Variants in PRR7 observed in about 807,000 individuals in gnomAD.
PRR7 encodes the protein proline rich 7, synaptic.
PRR7 carries 8 observed loss-of-function variants against 18.5 expected under a neutral mutation model. The observed-to-expected ratio is 0.43, with a 90% CI of 0.25 to 0.78. The LOEUF (loss-of-function observed/expected upper bound fraction) is 0.78, where lower values mean the gene tolerates loss of function less well. Among genes scored for constraint, PRR7 ranks in the 30% least tolerant of loss-of-function variants. The probability of loss-of-function intolerance (pLI) is 0.22; values close to 1 mark genes in which losing one functional copy is unlikely to be tolerated. For synonymous variants in PRR7, 221 were observed against 187.7 expected (o/e 1.18, Z -1.45); for missense variants, 396 against 403.1 (o/e 0.98, Z 0.15).
intron 1 of PRR7, chr5:177,447,671 C>T (rs1755964715): frequency 6.6e-6 from 1 of 152,044 alleles, no homozygotes; most frequent in African/African-American, 2.4e-5. Flanking sequence ...GCTTGCATCC[C>T]TCCTCCTCCT....
intron 1 of PRR7, among the ~76,000 whole-genome samples, chr5:177,447,271 TCCC>T (rs1264781992): frequency 6.6e-6 from 1 of 151,086 alleles, no homozygotes; most frequent in Non-Finnish European, 1.5e-5. Flanking sequence ...CCCTCCCCCC[TCCC>T]CCGACGCGGG....
intron 1 of PRR7, among the ~76,000 whole-genome samples, chr5:177,451,043 C>T (rs970158499): frequency 2.6e-5 from 4 of 152,198 alleles, no homozygotes; most frequent in Non-Finnish European, 5.9e-5. Context: ...AGAGACGATG[C>T]TGGCCTGGCC....
In PRR7 at chr5:177,454,189, G is replaced by A. The variant is rs1756283300; in HGVS notation, c.-240+149G>A. On this transcript the variant is annotated intron_variant, in intron 2 of 3. Transcript: ENST00000323249. This position sits in a 1 kb window ranked among gnomAD's most constrained non-coding sequence, Gnocchi z 4.7. ...GGGAAGCGGAGTTGGAGCAGGCAGG[G>A]CGCCTGGAGGAAAGGAAGAGAGTGT... The A allele has an allele frequency of 6.5e-6, 1 of 152,914 alleles. No homozygotes were observed. The highest frequency in any genetic ancestry group is 6.5e-5 in the Admixed American group (1 of 15,302). 9.5% of individuals were successfully genotyped at this position (152,914 alleles called of 1,614,324 possible).
rs75363853 is a variant in PRR7, at chr5:177,451,047, C to T, written c.-324-2909C>T. On this transcript the variant is annotated intron_variant, in intron 1 of 3. Transcript: ENST00000323249. ...GGGGCCAGGGGAGAGACGATGCTGGCCTGGCCAAGGCAGTGGCAGGAGGAC... is the reference window on the plus strand; with the variant it reads ...GGGGCCAGGGGAGAGACGATGCTGGTCTGGCCAAGGCAGTGGCAGGAGGAC... 7.9e-3 allele frequency among the ~76,000 whole-genome samples: 1,210 copies of T among 152,282 alleles called. 16 individuals carry two copies. Among genetic ancestry groups the T allele is most frequent in the Non-Finnish European group, 9.4e-3 (637 of 68,022 alleles).
Position 177,455,841 on chromosome 5 carries a change from C to G in PRR7, c.545C>G (p.Thr182Arg), listed in dbSNP as rs1010670344. ...CGCGGCCTCTACCGCAAGATCGTCA[C>G]GCCCTTCCTGAGTCGCCGCGACAGC... The part of the protein sequence containing the change: ...DTRGLYRKIV[T>R]PFLSRRDSAE... The change falls in exon 4 of 4, where the codon ACG becomes AGG. Residue 182 changes from threonine (T) to arginine (R), a missense_variant. Thr to Arg is a moderately conservative substitution (Grantham distance 71). Transcript: ENST00000323249. The surrounding 1 kb of genome is among the most constrained non-coding windows in gnomAD (Gnocchi z 6.9). 1 of 1,612,176 alleles carries G rather than the reference C, an allele frequency of 6.2e-7. No individual in the cohort carries two copies. Among genetic ancestry groups the G allele is most frequent in the South Asian group, 1.1e-5 (1 of 91,068 alleles).
In PRR7 at chr5:177,455,963, G is replaced by A. The variant is rs200498552; in HGVS notation, c.667G>A (p.Ala223Thr). 4.4e-6 allele frequency: 7 copies of A among 1,591,092 alleles called. No homozygotes were observed. The African/African-American group carries it at 9.4e-5, about 21-fold the overall frequency. The change falls in exon 4 of 4, where the codon GCG becomes ACG. Residue 223 changes from alanine (A) to threonine (T), a missense_variant. By Grantham distance (58) the Ala-to-Thr change is moderately conservative (BLOSUM62 0). Coordinates refer to ENST00000323249, the MANE Select transcript of PRR7 (RefSeq NM_030567.5). This position sits in a 1 kb window ranked among gnomAD's most constrained non-coding sequence, Gnocchi z 6.9. ...ALHLPSAPRP[A>T]PPCPALCLQA... ...GCACCTGCCCAGCGCCCCTCGGCCC[G>A]CGCCGCCCTGCCCAGCCCTCTGCCT...
In PRR7 at chr5:177,449,765, A is replaced by T; in HGVS notation, c.-325+2805A>T. ...TCTGTGGTCTTATTTGTAGTTTCCCAAGCCCTGGGTTCCTGGCTTGGTGTC... is the reference window on the plus strand; with the variant it reads ...TCTGTGGTCTTATTTGTAGTTTCCCTAGCCCTGGGTTCCTGGCTTGGTGTC... On this transcript the variant is annotated intron_variant, in intron 1 of 3. Coordinates refer to ENST00000323249, the MANE Select transcript of PRR7 (RefSeq NM_030567.5). The surrounding 1 kb of genome is among the most constrained non-coding windows in gnomAD (Gnocchi z 4.2). 6.6e-6 allele frequency among the ~76,000 whole-genome samples: 1 copy of T among 151,984 alleles called. No homozygotes were observed. The highest frequency in any genetic ancestry group is 1.9e-4 in the East Asian group (1 of 5,184).
chr5:177,455,560 G>C lies in PRR7; in HGVS notation c.427+66G>C. On this transcript the variant is annotated intron_variant, in intron 3 of 3. Coordinates refer to ENST00000323249, the MANE Select transcript of PRR7 (RefSeq NM_030567.5). This position sits in a 1 kb window ranked among gnomAD's most constrained non-coding sequence, Gnocchi z 6.9. The stretch of plus-strand genomic sequence containing the variant: ...GAAGTGGGCGGGCGTTGGAGGGCTC[G>C]CTGCTTACCCTCAGGGCTTCCATCC... 1.4e-6 allele frequency: 2 copies of C among 1,425,494 alleles called. No homozygotes were observed. The highest frequency in any genetic ancestry group is 3.0e-5 in the South Asian group (2 of 67,096). 88.3% of individuals were successfully genotyped at this position (1,425,494 alleles called of 1,614,324 possible).
Position 177,455,585 on chromosome 5 carries a change from C to G in PRR7, c.427+91C>G. On this transcript the variant is annotated intron_variant, in intron 3 of 3. Coordinates refer to ENST00000323249, the MANE Select transcript of PRR7 (RefSeq NM_030567.5). The surrounding 1 kb of genome is among the most constrained non-coding windows in gnomAD (Gnocchi z 6.9). ...GCTGCTTACCCTCAGGGCTTCCATCCGCAGCCTCCGGGAGAACACGGGCGG... is the reference window on the plus strand; with the variant it reads ...GCTGCTTACCCTCAGGGCTTCCATCGGCAGCCTCCGGGAGAACACGGGCGG... 1.4e-6 allele frequency: 2 copies of G among 1,406,990 alleles called. No homozygotes were observed. The highest frequency in any genetic ancestry group is 1.8e-6 in the Non-Finnish European group (2 of 1,084,788). The allele number at this position is 1,406,990 out of a possible 1,614,324, so 87.2% of individuals were successfully genotyped here.
chr5:177,446,879 C>G lies in PRR7; in HGVS notation c.-406C>G, dbSNP rs936177840. ...CCCCCGGGCCGCCGCCGCCTCCCCCCGCAGGCCCGGGGCTCTGTCCGCTGG... is the reference window on the plus strand; with the variant it reads ...CCCCCGGGCCGCCGCCGCCTCCCCCGGCAGGCCCGGGGCTCTGTCCGCTGG... On this transcript the variant is annotated 5_prime_UTR_variant, in exon 1 of 4. Transcript: ENST00000323249. This position sits in a 1 kb window ranked among gnomAD's most constrained non-coding sequence, Gnocchi z 5.3. The G allele has an allele frequency of 2.6e-5, 4 of 151,812 alleles. No homozygotes were observed. The highest frequency in any genetic ancestry group is 6.6e-5 in the Admixed American group (1 of 15,226). 9.4% of individuals were successfully genotyped at this position (151,812 alleles called of 1,614,324 possible).
intron 1 of PRR7, among the ~76,000 whole-genome samples, chr5:177,452,425 T>G (rs552853747): frequency 1.3e-5 from 2 of 152,340 alleles, no homozygotes; most frequent in Admixed American, 1.3e-4. Context: ...AAGTCTGGCC[T>G]GGTCAGGTAG....
rs1756394157 is a variant in PRR7 at position 177,455,688 on chromosome 5, CG to C, written c.428-34del. The C allele has an allele frequency of 1.3e-6, 2 of 1,514,246 alleles. No homozygotes were observed. The highest frequency in any genetic ancestry group is 2.0e-5 in the Admixed American group (1 of 50,250). The allele number at this position is 1,514,246 out of a possible 1,614,324, so 93.8% of individuals were successfully genotyped here. A position where few individuals can be genotyped will look rare whatever the true frequency, so the allele number is the denominator to read the frequency against. On this transcript the variant is annotated intron_variant, in intron 3 of 3. Transcript: ENST00000323249. This position sits in a 1 kb window ranked among gnomAD's most constrained non-coding sequence, Gnocchi z 6.9. Reference sequence around the variant, plus strand: ...GCCTCTGCGAGAGGCTGGGAACCGGCGGCCTCACCTCCTCCGACCGCCTCCC... The same window carrying C: ...GCCTCTGCGAGAGGCTGGGAACCGGCGCCTCACCTCCTCCGACCGCCTCCC...
At position 177,455,578 on chromosome 5, in the gene PRR7, TTCCA is replaced by T; in HGVS notation, c.427+88_427+91del. ...AGGGCTCGCTGCTTACCCTCAGGGCTTCCATCCGCAGCCTCCGGGAGAACACGGG... is the reference window on the plus strand; with the variant it reads ...AGGGCTCGCTGCTTACCCTCAGGGCTTCCGCAGCCTCCGGGAGAACACGGG... On this transcript the variant is annotated intron_variant, in intron 3 of 3. Transcript: ENST00000323249. The surrounding 1 kb of genome is among the most constrained non-coding windows in gnomAD (Gnocchi z 6.9). The T allele has an allele frequency of 7.1e-7, 1 of 1,412,552 alleles. No homozygotes were observed. Among genetic ancestry groups the T allele is most frequent in the Non-Finnish European group, 9.2e-7 (1 of 1,089,098 alleles). 87.5% of individuals were successfully genotyped at this position (1,412,552 alleles called of 1,614,324 possible). A position where few individuals can be genotyped will look rare whatever the true frequency, so the allele number is the denominator to read the frequency against.
At chr5:177,453,626 G>A (rs1334257111) in intron 1 of PRR7, among the ~76,000 whole-genome samples, 2 of 152,028 alleles carry the variant, frequency 1.3e-5, no homozygotes, top group Non-Finnish European at 2.9e-5. Flanking sequence ...TGTGTGCCTC[G>A]GGCACGCGGA....
At chr5:177,451,662 G>A (rs1198109230) in intron 1 of PRR7, among the ~76,000 whole-genome samples, 11 of 73,838 alleles carry the variant, frequency 1.5e-4, no homozygotes, top group Non-Finnish European at 3.2e-4. Context: ...GAGAGTGAGT[G>A]TGGAGCCCAC....
intron 1 of PRR7, among the ~76,000 whole-genome samples, chr5:177,453,671 C>G (rs1045877270): frequency 1.3e-5 from 2 of 152,124 alleles, no homozygotes; most frequent in African/African-American, 4.8e-5. Flanking sequence ...AAGAGGCCCA[C>G]AAAGTAGCCC....
At position 177,455,439 on chromosome 5, in the gene PRR7, C is replaced by A. The variant is rs890076601; in HGVS notation, c.372C>A (p.His124Gln). 1.0e-5 allele frequency: 15 copies of A among 1,507,052 alleles called. No homozygotes were observed. Among genetic ancestry groups the A allele is most frequent in the Non-Finnish European group, 1.2e-5 (14 of 1,135,508 alleles). The allele number at this position is 1,507,052 out of a possible 1,614,324, so 93.4% of individuals were successfully genotyped here. A position where few individuals can be genotyped will look rare whatever the true frequency, so the allele number is the denominator to read the frequency against. Residue 124 changes from histidine (H) to glutamine (Q), a missense_variant, in exon 3 of 4, where the codon CAC (histidine) becomes CAA (glutamine). Coordinates refer to ENST00000323249, the MANE Select transcript of PRR7 (RefSeq NM_030567.5). This position sits in a 1 kb window ranked among gnomAD's most constrained non-coding sequence, Gnocchi z 6.9. ...HPHPHHHALP[H>Q]PPPTHLSVPP... Reference sequence around the variant, plus strand: ...ACCCGCACCACCACGCGCTCCCGCACCCGCCGCCTACGCACCTGTCGGTGC... The same window carrying A: ...ACCCGCACCACCACGCGCTCCCGCAACCGCCGCCTACGCACCTGTCGGTGC...
chr5:177,448,762 C>G (rs1353923358), intron 1 of PRR7, among the ~76,000 whole-genome samples: 5 of 152,248 alleles, frequency 3.3e-5, no homozygotes, highest in Non-Finnish European at 7.3e-5. Flanking sequence ...CCTCCATTTT[C>G]TCCGGTGAGA....
At chr5:177,447,248 GC>G (rs1561666710) in intron 1 of PRR7, among the ~76,000 whole-genome samples, 1 of 152,012 alleles carries the variant, frequency 6.6e-6, no homozygotes, top group African/African-American at 2.4e-5. Context: ...GGGCGGCGAC[GC>G]CCCCTCCCCC....
Sources: gnomAD v4.1 joint callset for allele counts (sites outside exome capture counted in the v4.1 genomes callset) on GRCh38, gnomAD v4.1.1 for gene constraint, Gnocchi (gnomAD v3.1) non-coding constraint, MANE v1.5 for transcripts, NCBI Gene and HGNC (gene_info 2026-07-23, HGNC 2026-07-21) for gene names.